LRRC4C: variants seen among roughly 807,000 people sequenced by gnomAD.
LRRC4C encodes the protein leucine rich repeat containing 4C.
A neutral mutation model predicts 33.6 loss-of-function variants in LRRC4C; 5 were observed. The ratio of observed to expected loss-of-function variants is 0.15; its 90% CI spans 0.08 to 0.31. LRRC4C has a LOEUF of 0.31. Among genes scored for constraint, LRRC4C ranks in the 10% least tolerant of loss-of-function variants. LRRC4C has a pLI of 1.00. For synonymous variants in LRRC4C, 329 were observed against 302.0 expected, an observed-to-expected ratio of 1.09 and a Z score of -0.93; for missense variants, 560 against 796.7, an observed-to-expected ratio of 0.70 and a Z score of 3.58.
At chr11:40,158,082 CA>C (rs1858853286) in intron 5 of LRRC4C, among the ~76,000 whole-genome samples, 1 of 152,058 alleles carries the variant, frequency 6.6e-6, no homozygotes, top group African/African-American at 2.4e-5. Flanking sequence ...ACTATGCAGC[CA>C]TAAAAAGGAA....
chr11:40,591,402 C>G (rs1048156969), intron 3 of LRRC4C, among the ~76,000 whole-genome samples: 1 of 152,084 alleles, frequency 6.6e-6, no homozygotes, highest in Admixed American at 6.5e-5. Context: ...GAGATGAACC[C>G]GGTACCTCAG....
chr11:40,483,289 G>T (rs554657575), intron 3 of LRRC4C, among the ~76,000 whole-genome samples: 1 of 152,124 alleles, frequency 6.6e-6, no homozygotes, highest in South Asian at 2.1e-4. Flanking sequence ...TGAAAGTCAC[G>T]GAGGAAATGA....
intron 1 of LRRC4C, among the ~76,000 whole-genome samples, chr11:41,224,325 T>A (rs1300765950): frequency 6.6e-6 from 1 of 152,178 alleles, no homozygotes; most frequent in Non-Finnish European, 1.5e-5. Context: ...TTTACGGGAC[T>A]AATGCATCTA....
chr11:40,638,309 T>C (rs1356687804), intron 3 of LRRC4C, among the ~76,000 whole-genome samples: 3 of 152,194 alleles, frequency 2.0e-5, no homozygotes, highest in Non-Finnish European at 4.4e-5. Flanking sequence ...GTTTGACTCA[T>C]GGGGAGTGCT....
At chr11:40,148,140 T>G (rs1412496349) in intron 5 of LRRC4C, among the ~76,000 whole-genome samples, 1 of 152,210 alleles carries the variant, frequency 6.6e-6, no homozygotes, top group East Asian at 1.9e-4. Flanking sequence ...TTTAGGTTGA[T>G]TCCATGTCTT....
At chr11:40,706,941 G>A (rs1183384614) in intron 2 of LRRC4C, among the ~76,000 whole-genome samples, 1 of 152,084 alleles carries the variant, frequency 6.6e-6, no homozygotes, top group Non-Finnish European at 1.5e-5. Flanking sequence ...CTTGTAAGTT[G>A]GATTCCTAGG....
At chr11:40,812,028 A>ATTTCACTTATCATCCTTCTC (rs1286998927) in intron 2 of LRRC4C, among the ~76,000 whole-genome samples, 1 of 152,132 alleles carries the variant, frequency 6.6e-6, no homozygotes, top group African/African-American at 2.4e-5. Context: ...TTTCCCTATT[A>ATTTCACTTATCATCCTTCTC]TTTCACTTAT....
intron 1 of LRRC4C, among the ~76,000 whole-genome samples, chr11:41,308,137 A>G (rs940051397): frequency 6.6e-6 from 1 of 152,192 alleles, no homozygotes; most frequent in Non-Finnish European, 1.5e-5. Context: ...GAAATCAGTA[A>G]AGTTGCCATC....
chr11:40,276,654 A>G (rs936577722), intron 4 of LRRC4C, among the ~76,000 whole-genome samples: 1 of 150,226 alleles, frequency 6.7e-6, no homozygotes, highest in Non-Finnish European at 1.5e-5. Context: ...CAGGACCCGG[A>G]GATAAATTGG....
chr11:41,239,959 G>C (rs1948183993), intron 1 of LRRC4C, among the ~76,000 whole-genome samples: 1 of 152,208 alleles, frequency 6.6e-6, no homozygotes, highest in African/African-American at 2.4e-5. Context: ...TGAAACCTTA[G>C]AGCCTCACAT....
At chr11:41,188,744 A>C (rs1186227473) in intron 1 of LRRC4C, among the ~76,000 whole-genome samples, 1 of 151,480 alleles carries the variant, frequency 6.6e-6, no homozygotes, top group Non-Finnish European at 1.5e-5. Context: ...AATGATAAAG[A>C]CTGGTGAAAT....
At chr11:40,860,230 A>C (rs560786900) in intron 2 of LRRC4C, among the ~76,000 whole-genome samples, 46 of 152,316 alleles carry the variant, frequency 3.0e-4, no homozygotes, top group Admixed American at 2.9e-3. Context: ...GTTTTTCCAC[A>C]GAGACAGACA....
chr11:40,549,297 A>G (rs1384575462), intron 3 of LRRC4C, among the ~76,000 whole-genome samples: 1 of 152,166 alleles, frequency 6.6e-6, no homozygotes, highest in Non-Finnish European at 1.5e-5. Context: ...CATCCTCACT[A>G]TTCTCATGTC....
chr11:41,054,427 A>AT (rs1443870480), intron 1 of LRRC4C, among the ~76,000 whole-genome samples: 2 of 152,296 alleles, frequency 1.3e-5, no homozygotes, highest in East Asian at 3.9e-4. Context: ...CAGGGAATGG[A>AT]TTTTTTAGAA....
intron 1 of LRRC4C, among the ~76,000 whole-genome samples, chr11:41,180,921 T>A (rs941821008): frequency 5.3e-5 from 8 of 151,494 alleles, no homozygotes; most frequent in African/African-American, 1.7e-4. Context: ...AAAAAAAAAA[T>A]GGTTAGATCT....
At chr11:40,488,311 A>G (rs553269798) in intron 3 of LRRC4C, among the ~76,000 whole-genome samples, 13 of 152,136 alleles carry the variant, frequency 8.5e-5, no homozygotes, top group African/African-American at 3.1e-4. Flanking sequence ...AAATATCTTC[A>G]GTGGCCTTCC....
intron 1 of LRRC4C, among the ~76,000 whole-genome samples, chr11:41,362,306 T>C (rs1952383234): frequency 6.6e-6 from 1 of 152,034 alleles, no homozygotes; most frequent in South Asian, 2.1e-4. Flanking sequence ...AAACATTTTT[T>C]CAGTGGGGGA....
chr11:41,276,122 C>A (rs544560481), intron 1 of LRRC4C, among the ~76,000 whole-genome samples: 32 of 152,180 alleles, frequency 2.1e-4, no homozygotes, highest in African/African-American at 7.5e-4. Flanking sequence ...ACCTGCTACA[C>A]GTGGTACTTA....
At chr11:41,175,915 C>T (rs1945176561) in intron 1 of LRRC4C, among the ~76,000 whole-genome samples, 1 of 152,152 alleles carries the variant, frequency 6.6e-6, no homozygotes, top group Non-Finnish European at 1.5e-5. Context: ...GCCTAGCCAG[C>T]TCTTACTTTC....
Sources: allele counts gnomAD v4.1 joint callset (sites outside exome capture counted in the v4.1 genomes callset), GRCh38; gene constraint gnomAD v4.1.1; transcripts MANE v1.5; gene names NCBI Gene and HGNC (gene_info 2026-07-23, HGNC 2026-07-21).